Variants in PCDH11Y observed in about 807,000 individuals in gnomAD.
PCDH11Y encodes protocadherin 11 Y-linked, also known as protocadherin-11 Y-linked.
For missense variants in PCDH11Y, 12 were observed against 224.8 expected (o/e 0.05, Z 6.05); for synonymous variants, 9 against 83.6 (o/e 0.11, Z 4.87).
At chrY:5,634,155 A>T (rs2053515417) in intron 4 of PCDH11Y, among the ~76,000 whole-genome samples, 1 of 26,610 alleles carries the variant, frequency 3.8e-5, no homozygotes, top group African/African-American at 1.5e-4. Flanking sequence ...CAGAGCTTGC[A>T]GTGAGCTGAG....
chrY:5,122,944 A>G, intron 2 of PCDH11Y, among the ~76,000 whole-genome samples: 2 of 33,268 alleles, frequency 6.0e-5, no homozygotes, highest in African/African-American at 2.3e-4. Flanking sequence ...CCATAAAACC[A>G]CGGGTTTTGT....
chrY:5,358,436 A>G (rs2124671460), intron 2 of PCDH11Y, among the ~76,000 whole-genome samples: 1 of 33,343 alleles, frequency 3.0e-5, no homozygotes, highest in South Asian at 6.8e-4. Context: ...GGATGCACCC[A>G]TGACATAGCC....
chrY:5,731,528 A>G (rs2124715277), intron 4 of PCDH11Y, among the ~76,000 whole-genome samples: 2 of 32,630 alleles, frequency 6.1e-5, no homozygotes, highest in Admixed American at 5.6e-4. Context: ...TCTAGCTAGT[A>G]GCCTGTCAAT....
chrY:5,354,577 A>G (rs207482227), intron 2 of PCDH11Y, among the ~76,000 whole-genome samples: 1 of 32,835 alleles, frequency 3.0e-5, no homozygotes, highest in Non-Finnish European at 7.4e-5. Flanking sequence ...ACGCGCACAC[A>G]CACACGCACA....
At chrY:5,093,123 GA>G (rs2052744013) in intron 1 of PCDH11Y, among the ~76,000 whole-genome samples, 1 of 31,823 alleles carries the variant, frequency 3.1e-5, no homozygotes, top group African/African-American at 1.2e-4. Flanking sequence ...TTTTTTAAAA[GA>G]AAAAAAAACT....
At chrY:5,379,666 T>C in intron 2 of PCDH11Y, among the ~76,000 whole-genome samples, 3 of 30,902 alleles carry the variant, frequency 9.7e-5, no homozygotes, top group African/African-American at 3.8e-4. Flanking sequence ...GCAAAATAGC[T>C]CGCCCGGCAG....
At chrY:5,261,015 C>T (rs2053017482) in intron 2 of PCDH11Y, among the ~76,000 whole-genome samples, 1 of 32,280 alleles carries the variant, frequency 3.1e-5, no homozygotes, top group Non-Finnish European at 7.5e-5. Flanking sequence ...TTACCAGATT[C>T]GATGGTTTTA....
At chrY:5,693,987 G>A in intron 4 of PCDH11Y, among the ~76,000 whole-genome samples, 1 of 32,703 alleles carries the variant, frequency 3.1e-5, no homozygotes, top group African/African-American at 1.2e-4. Flanking sequence ...TATATTAGAT[G>A]TTTTGAGAGG....
chrY:5,527,303 A>G, intron 3 of PCDH11Y, among the ~76,000 whole-genome samples: 1 of 34,296 alleles, frequency 2.9e-5, no homozygotes, highest in Admixed American at 2.6e-4. Flanking sequence ...TTAGAGAAGA[A>G]AGCCTATTGG....
intron 2 of PCDH11Y, among the ~76,000 whole-genome samples, chrY:5,322,590 T>C (rs2053114409): frequency 3.1e-5 from 1 of 32,441 alleles, no homozygotes; most frequent in Admixed American, 2.9e-4. Flanking sequence ...GTGGAACCCG[T>C]GGATACAAGG....
chrY:5,455,465 ATT>A (rs2053297371), intron 2 of PCDH11Y, among the ~76,000 whole-genome samples: 1 of 33,202 alleles, frequency 3.0e-5, no homozygotes, highest in African/African-American at 1.2e-4. Context: ...TCACTTCCAC[ATT>A]TTCAGGTAGC....
At chrY:5,295,684 C>T (rs2124662456) in intron 2 of PCDH11Y, among the ~76,000 whole-genome samples, 1 of 33,909 alleles carries the variant, frequency 2.9e-5, no homozygotes, top group African/African-American at 1.1e-4. Flanking sequence ...CCGGCAAGGC[C>T]AGTAACTCTT....
At chrY:5,418,886 A>C in intron 2 of PCDH11Y, among the ~76,000 whole-genome samples, 1 of 32,982 alleles carries the variant, frequency 3.0e-5, no homozygotes. Flanking sequence ...CTTAGGGAAT[A>C]TCTAGCTTGC....
intron 2 of PCDH11Y, among the ~76,000 whole-genome samples, chrY:5,416,095 C>T: frequency 3.1e-5 from 1 of 32,227 alleles, no homozygotes; most frequent in Admixed American, 2.9e-4. Context: ...TTCCCTGACT[C>T]TTCTATTTTT....
intron 2 of PCDH11Y, among the ~76,000 whole-genome samples, chrY:5,195,847 G>A: frequency 9.7e-5 from 3 of 31,003 alleles, no homozygotes; most frequent in African/African-American, 2.5e-4. Context: ...CTTATTCAGG[G>A]CATCTTGGTG....
chrY:5,349,125 T>C (rs2053155097), intron 2 of PCDH11Y, among the ~76,000 whole-genome samples: 1 of 30,007 alleles, frequency 3.3e-5, no homozygotes, highest in African/African-American at 1.3e-4. Context: ...CAAAACTCCA[T>C]TTAAAAAAAA....
chrY:5,071,489 A>C, intron 1 of PCDH11Y, among the ~76,000 whole-genome samples: 1 of 31,695 alleles, frequency 3.2e-5, no homozygotes. Context: ...TTCTGTTATT[A>C]GTAAACTCCC....
upstream of PCDH11Y, among the ~76,000 whole-genome samples, chrY:5,051,699 T>A: frequency 3.0e-5 from 1 of 33,503 alleles, no homozygotes; most frequent in South Asian, 6.6e-4. Flanking sequence ...GGAAGCAGCA[T>A]TGATGGAATC....
intron 1 of PCDH11Y, among the ~76,000 whole-genome samples, chrY:5,072,898 A>C: frequency 3.0e-5 from 1 of 33,418 alleles, no homozygotes; most frequent in Non-Finnish European, 7.4e-5. Flanking sequence ...TTCCATTTTT[A>C]ATTTTTATGA....
Sources: allele counts gnomAD v4.1 joint callset (sites outside exome capture counted in the v4.1 genomes callset), GRCh38; gene constraint gnomAD v4.1.1; transcripts MANE v1.5; gene names NCBI Gene and HGNC (gene_info 2026-07-23, HGNC 2026-07-21).